The following DNER variants were observed in gnomAD, a reference collection of about 807,000 sequenced individuals.
DNER encodes delta/notch like EGF repeat containing.
A neutral mutation model predicts 78.2 loss-of-function variants in DNER; 33 were observed. The observed-to-expected ratio is 0.42, with a 90% CI of 0.32 to 0.56. The LOEUF (loss-of-function observed/expected upper bound fraction) is 0.56. Ranked by LOEUF, DNER falls within the 20% of genes least tolerant of loss-of-function variation. The probability of loss-of-function intolerance (pLI) is 0.11; values close to 1 mark genes in which losing one functional copy is unlikely to be tolerated. For missense variants in DNER, 918 were observed against 975.3 expected (o/e 0.94, Z 0.78); for synonymous variants, 417 against 384.8 (o/e 1.08, Z -0.98).
rs541373793 is a variant in DNER, at chr2:229,568,792, G to A, written c.847+17066C>T. On this transcript the variant is annotated intron_variant, in intron 4 of 12. Transcript: ENST00000341772. Reference sequence around the variant, plus strand: ...GCCCAGGCTGGCCTTAAACTCCTACGCTCAGGCAATCCTCCCACTTCAACC... The same window carrying A: ...GCCCAGGCTGGCCTTAAACTCCTACACTCAGGCAATCCTCCCACTTCAACC... 1.1e-4 allele frequency among the ~76,000 whole-genome samples: 17 copies of A among 151,980 alleles called. No homozygotes were observed. The East Asian group carries it at 1.5e-3, about 14-fold the overall frequency.
chr2:229,563,308 A>G (rs1697001464), intron 4 of DNER, among the ~76,000 whole-genome samples: 1 of 149,670 alleles, frequency 6.7e-6, no homozygotes, highest in South Asian at 2.1e-4. Flanking sequence ...TCCCATCACC[A>G]TCATCATCAA....
At chr2:229,422,374 C>G (rs1248514543) in intron 8 of DNER, among the ~76,000 whole-genome samples, 2 of 152,194 alleles carry the variant, frequency 1.3e-5, no homozygotes, top group Non-Finnish European at 2.9e-5. Flanking sequence ...ATCAGAGTGG[C>G]CCTTTCCAAG....
intron 1 of DNER, among the ~76,000 whole-genome samples, chr2:229,688,068 G>C (rs1300166594): frequency 1.3e-5 from 2 of 152,140 alleles, no homozygotes; most frequent in African/African-American, 4.8e-5. Context: ...TCATCAAACG[G>C]GATTAAGTAA....
At chr2:229,681,822 C>T (rs1176697540) in intron 1 of DNER, among the ~76,000 whole-genome samples, 1 of 102,160 alleles carries the variant, frequency 9.8e-6, no homozygotes, top group Non-Finnish European at 2.2e-5. Flanking sequence ...TATACCTCTG[C>T]CTAAAACACA....
chr2:229,383,367 T>C (rs1692789044), intron 11 of DNER, among the ~76,000 whole-genome samples: 1 of 152,072 alleles, frequency 6.6e-6, no homozygotes, highest in African/African-American at 2.4e-5. Context: ...ACGGGCAAAA[T>C]AACCAGCTAG....
intron 3 of DNER, chr2:229,586,545 A>T: frequency 7.0e-6 from 1 of 143,542 alleles, no homozygotes; most frequent in Non-Finnish European, 1.0e-5. Context: ...AAAAAAAAAA[A>T]AAAAACACAC....
intron 5 of DNER, among the ~76,000 whole-genome samples, chr2:229,521,789 G>C (rs760760944): frequency 3.9e-4 from 59 of 152,102 alleles, no homozygotes; most frequent in Admixed American, 7.2e-4. Flanking sequence ...ATGGAACCTA[G>C]CCACAGAGAC....
At chr2:229,372,044 G>A (rs989308716) in intron 11 of DNER, among the ~76,000 whole-genome samples, 5 of 152,182 alleles carry the variant, frequency 3.3e-5, no homozygotes, top group African/African-American at 1.2e-4. Flanking sequence ...ATCTCTGGAA[G>A]AGGAATGAAT....
At chr2:229,374,119 G>A (rs1304234919) in intron 11 of DNER, among the ~76,000 whole-genome samples, 2 of 152,116 alleles carry the variant, frequency 1.3e-5, no homozygotes, top group Non-Finnish European at 2.9e-5. Context: ...AGTGAGCTGA[G>A]ATCGCACCAG....
intron 1 of DNER, among the ~76,000 whole-genome samples, chr2:229,680,267 T>C (rs2216248): frequency 0.68 from 103,308 of 152,018 alleles, 36,153 homozygotes; most frequent in Middle Eastern, 0.79. Flanking sequence ...AATATGCCAC[T>C]GAGTCACGGA....
chr2:229,388,264 C>T lies in DNER; in HGVS notation c.1855+1G>A, dbSNP rs760706711. The T allele has an allele frequency of 1.7e-5, 28 of 1,605,190 alleles. No individual in the cohort carries two copies. The highest frequency in any genetic ancestry group is 4.5e-5 in the East Asian group (2 of 44,122). The stretch of plus-strand genomic sequence containing the variant: ...AGTGGCTGAGCTGCAGAAATACTTA[C>T]GGATCTCACAGTTTGCTCCCACCCA... On this transcript the variant is annotated splice_donor_variant, in intron 11 of 12. Coordinates refer to ENST00000341772, the MANE Select transcript of DNER (RefSeq NM_139072.4). LOFTEE classifies it high-confidence loss of function.
intron 7 of DNER, among the ~76,000 whole-genome samples, chr2:229,452,096 C>T (rs1264407710): frequency 1.3e-5 from 2 of 152,154 alleles, no homozygotes; most frequent in Admixed American, 1.3e-4. Context: ...TGGGAGCTTA[C>T]ATTTCATTCT....
intron 11 of DNER, among the ~76,000 whole-genome samples, chr2:229,386,571 A>G (rs937433176): frequency 6.6e-6 from 1 of 152,116 alleles, no homozygotes; most frequent in Non-Finnish European, 1.5e-5. Flanking sequence ...CAATCTATCC[A>G]TCTGGAAAAG....
intron 6 of DNER, among the ~76,000 whole-genome samples, chr2:229,497,938 C>T (rs1695533287): frequency 1.3e-5 from 2 of 151,770 alleles, no homozygotes; most frequent in South Asian, 2.1e-4. Flanking sequence ...GAAGAGAAGG[C>T]CAGCGTTACC....
intron 4 of DNER, among the ~76,000 whole-genome samples, chr2:229,578,802 A>G (rs1697345854): frequency 6.6e-6 from 1 of 152,208 alleles, no homozygotes; most frequent in African/African-American, 2.4e-5. Context: ...GAAGGGAGGG[A>G]AGCAGAGTTC....
intron 1 of DNER, among the ~76,000 whole-genome samples, chr2:229,615,793 CA>C (rs35303436): frequency 0.55 from 81,487 of 149,144 alleles, 22,153 homozygotes; most frequent in Admixed American, 0.58. Flanking sequence ...AGACTAGCGG[CA>C]AAAAAAAAAA....
At chr2:229,616,330 C>T (rs1698162059) in intron 1 of DNER, among the ~76,000 whole-genome samples, 1 of 152,026 alleles carries the variant, frequency 6.6e-6, no homozygotes, top group Non-Finnish European at 1.5e-5. Flanking sequence ...TGGGCCTTCA[C>T]TTGGAGCAAA....
chr2:229,417,984 C>T, intron 9 of DNER, 124 bp downstream of exon 9: 1 of 1,490,316 alleles, frequency 6.7e-7, no homozygotes. Flanking sequence ...ATCATGCCAG[C>T]TTCAGCATTT....
At chr2:229,692,224 C>T (rs902707944) in intron 1 of DNER, among the ~76,000 whole-genome samples, 1 of 152,204 alleles carries the variant, frequency 6.6e-6, no homozygotes, top group Admixed American at 6.5e-5. Flanking sequence ...CCTGATCTGA[C>T]CTGGTCTTCA....
Sources: allele counts gnomAD v4.1 joint callset (sites outside exome capture counted in the v4.1 genomes callset), GRCh38; gene constraint gnomAD v4.1.1; transcripts MANE v1.5; gene names NCBI Gene and HGNC (gene_info 2026-07-23, HGNC 2026-07-21).